The following COL22A1 variants were observed in gnomAD, a reference collection of about 807,000 sequenced individuals.
COL22A1 encodes the protein collagen type XXII alpha 1 chain.
COL22A1 carries 221 observed loss-of-function variants against 248.9 expected under a neutral mutation model. The observed-to-expected ratio is 0.89, with a 90% CI of 0.80 to 0.99. The LOEUF is 0.99. COL22A1 is among the 50% of genes least tolerant of loss of function. The pLI is 0.00. For synonymous variants in COL22A1, 891 were observed against 793.4 expected, an observed-to-expected ratio of 1.12 and a Z score of -2.07; for missense variants, 2,240 against 2,179.0, an observed-to-expected ratio of 1.03 and a Z score of -0.56.
chr8:138,801,972 A>G (rs539750964), intron 11 of COL22A1, among the ~76,000 whole-genome samples: 14 of 152,276 alleles, frequency 9.2e-5, no homozygotes, highest in East Asian at 1.9e-4. Context: ...TTTGACACCA[A>G]ACTTGTGCTG....
intron 14 of COL22A1, 83 bp from the exon 15 acceptor site, chr8:138,778,489 T>C (rs1220221321): frequency 7.7e-7 from 1 of 1,292,038 alleles, no homozygotes; most frequent in African/African-American, 1.5e-5. Flanking sequence ...CAGTCCCACG[T>C]TTGGTGACAA....
chr8:138,786,193 GGTA>G (rs1815500220), intron 12 of COL22A1, among the ~76,000 whole-genome samples: 1 of 152,196 alleles, frequency 6.6e-6, no homozygotes, highest in South Asian at 2.1e-4. Flanking sequence ...AGATGGCTGA[GGTA>G]GTAGAAGAAA....
intron 41 of COL22A1, 104 bp downstream of exon 41, chr8:138,676,449 GAAAGA>G (rs1825540328): frequency 1.4e-5 from 8 of 563,638 alleles, no homozygotes; most frequent in African/African-American, 5.9e-5. Context: ...AAGAAAGAAA[GAAAGA>G]AAGGAAGAAA....
At chr8:138,709,719 T>C (rs1205719603) in intron 30 of COL22A1, among the ~76,000 whole-genome samples, 1 of 152,152 alleles carries the variant, frequency 6.6e-6, no homozygotes, top group Non-Finnish European at 1.5e-5. Context: ...CACACCAACA[T>C]GGCACATGTA....
intron 12 of COL22A1, among the ~76,000 whole-genome samples, chr8:138,794,192 T>C (rs920776318): frequency 5.3e-5 from 8 of 152,012 alleles, no homozygotes; most frequent in African/African-American, 1.9e-4. Flanking sequence ...CTCGAGACCA[T>C]CCTGGCCAAC....
chr8:138,676,547 T>C lies in COL22A1; in HGVS notation c.3150+11A>G. 6.4e-7 allele frequency: 1 copy of C among 1,553,244 alleles called. No homozygotes were observed. The highest frequency in any genetic ancestry group is 1.4e-5 in the African/African-American group (1 of 73,568). ...TGAAAGCAAGTAAGAGCTGGATAAA[T>C]AAAGACTTACAGGAGGGCCAGCAAC... On this transcript the variant is annotated intron_variant, in intron 41 of 64. Coordinates refer to ENST00000303045, the MANE Select transcript of COL22A1 (RefSeq NM_152888.3).
chr8:138,612,724 CG>C (rs1479634023), intron 56 of COL22A1, among the ~76,000 whole-genome samples: 3 of 151,356 alleles, frequency 2.0e-5, no homozygotes, highest in Middle Eastern at 6.8e-3. Flanking sequence ...GTCAGGAGTT[CG>C]AAACCAGCCT....
At position 138,851,569 on chromosome 8, in the gene COL22A1, C is replaced by A. The variant is rs140716799; in HGVS notation, c.659-7411G>T. 5.0e-3 allele frequency among the ~76,000 whole-genome samples: 762 copies of A among 152,322 alleles called. 4 individuals are homozygous for A. The highest frequency in any genetic ancestry group is 8.4e-3 in the Non-Finnish European group (573 of 68,026). ...ATGGCCCAAGGGTTCCTCAGACCTCCTTTCCCTCCCAGGGAATGGCTCAAG... is the reference window on the plus strand; with the variant it reads ...ATGGCCCAAGGGTTCCTCAGACCTCATTTCCCTCCCAGGGAATGGCTCAAG... On this transcript the variant is annotated intron_variant, in intron 3 of 64. Transcript: ENST00000303045.
rs543329862 is a variant in COL22A1 at position 138,656,366 on chromosome 8, C to G, written c.3286-422G>C. Among the ~76,000 whole-genome samples, 8 of 152,340 alleles carry G rather than the reference C, an allele frequency of 5.3e-5. No homozygotes were observed. In the East Asian group the frequency reaches 1.5e-3, roughly 29 times the overall value. On this transcript the variant is annotated intron_variant, in intron 44 of 64. Coordinates refer to ENST00000303045, the MANE Select transcript of COL22A1 (RefSeq NM_152888.3). ...AGCTGTTACTATCAGTCATCCACAA[C>G]CTAGTATGAATTTAAGCCAATGTCT... is the stretch of plus-strand genomic sequence containing the variant.
chr8:138,627,783 C>A (rs1184575465), intron 50 of COL22A1, among the ~76,000 whole-genome samples: 1 of 152,196 alleles, frequency 6.6e-6, no homozygotes, highest in South Asian at 2.1e-4. Flanking sequence ...TCAAGGCTTG[C>A]AAGGAGTCAA....
chr8:138,843,982 G>T, intron 4 of COL22A1, 102 bp downstream of exon 4: 1 of 988,556 alleles, frequency 1.0e-6, no homozygotes, highest in South Asian at 1.3e-5. Context: ...ATGGGAACAA[G>T]AACAGGGTCA....
Position 138,588,246 on chromosome 8 carries a change from A to G in COL22A1, c.*1007T>C, listed in dbSNP as rs1233317847. The G allele has an allele frequency of 2.0e-5, 3 of 152,214 alleles. No individual in the cohort carries two copies. Among genetic ancestry groups the G allele is most frequent in the Non-Finnish European group, 2.9e-5 (2 of 68,040 alleles). 9.4% of individuals were successfully genotyped at this position (152,214 alleles called of 1,614,324 possible). On this transcript the variant is annotated 3_prime_UTR_variant, in exon 65 of 65. Transcript: ENST00000303045. ...TCATCAAGAGGAACTCAAGAGAAGG[A>G]AACTTGGATTTATTGAGCACCTGTT...
At chr8:138,753,835 C>A (rs1208408634) in intron 21 of COL22A1, among the ~76,000 whole-genome samples, 1 of 152,148 alleles carries the variant, frequency 6.6e-6, no homozygotes. Context: ...CAGGAAGAGG[C>A]CAAGAAGTTT....
intron 41 of COL22A1, among the ~76,000 whole-genome samples, chr8:138,664,201 GCGCGCGCGCACACA>G (rs1230183944): frequency 3.6e-4 from 32 of 87,812 alleles, no homozygotes; most frequent in African/African-American, 1.2e-3. Flanking sequence ...GGGTGCGCGC[GCGCGCGCGCACACA>G]CACACACACA....
At chr8:138,631,929 A>T (rs1488667080) in intron 49 of COL22A1, among the ~76,000 whole-genome samples, 1 of 152,130 alleles carries the variant, frequency 6.6e-6, no homozygotes, top group Non-Finnish European at 1.5e-5. Context: ...TTAGTTCCTC[A>T]TTGGAACTAA....
At chr8:138,900,775 T>C (rs891490946) in intron 1 of COL22A1, among the ~76,000 whole-genome samples, 2 of 152,218 alleles carry the variant, frequency 1.3e-5, no homozygotes, top group African/African-American at 4.8e-5. Flanking sequence ...CCAGGCGTTG[T>C]CTTAATCACC....
At chr8:138,598,141 T>C (rs905887647) in intron 61 of COL22A1, among the ~76,000 whole-genome samples, 32 of 152,168 alleles carry the variant, frequency 2.1e-4, no homozygotes, top group African/African-American at 7.5e-4. Context: ...TGAGATTGTG[T>C]AAAATGAAAG....
chr8:138,786,873 C>A (rs532550487), intron 12 of COL22A1, among the ~76,000 whole-genome samples: 4 of 152,152 alleles, frequency 2.6e-5, no homozygotes, highest in African/African-American at 9.6e-5. Context: ...CACTGCACTC[C>A]AGCCTGGCAG....
rs1586959195 is a variant in COL22A1 at position 138,883,094 on chromosome 8, C to A, written c.79G>T (p.Ala27Ser). The A allele has an allele frequency of 6.3e-7, 1 of 1,585,564 alleles. No individual in the cohort carries two copies. Among genetic ancestry groups the A allele is most frequent in the Non-Finnish European group, 8.6e-7 (1 of 1,167,778 alleles). Residue 27 changes from alanine (A) to serine (S), a missense_variant, in exon 2 of 65, where the codon GCT becomes TCT. By Grantham distance (99) the Ala-to-Ser change is moderately conservative (BLOSUM62 1). Coordinates refer to ENST00000303045, the MANE Select transcript of COL22A1 (RefSeq NM_152888.3). ...ACGGTGGCCCCACCTGCCCGCTGAG[C>A]CTGGCAGCCGCCGCCCCCACTCCAC... is the stretch of plus-strand genomic sequence containing the variant. The part of the protein sequence containing the change: ...LLWSGGGGCQ[A>S]QRAGCKSVHY...
Sources: allele counts gnomAD v4.1 joint callset (sites outside exome capture counted in the v4.1 genomes callset), GRCh38; gene constraint gnomAD v4.1.1; transcripts MANE v1.5; gene names NCBI Gene and HGNC (gene_info 2026-07-23, HGNC 2026-07-21).